KCNT2: variants seen among roughly 807,000 people sequenced by gnomAD.
The protein encoded by KCNT2 is potassium sodium-activated channel subfamily T member 2, also known as potassium channel subfamily T member 2.
KCNT2 carries 67 observed loss-of-function variants against 153.8 expected under a neutral mutation model. That is an observed-to-expected ratio of 0.44 (90% CI 0.36 to 0.53). The LOEUF (loss-of-function observed/expected upper bound fraction) is 0.53. Among genes scored for constraint, KCNT2 ranks in the 20% least tolerant of loss-of-function variants. KCNT2 has a pLI of 0.00. For synonymous variants in KCNT2, 500 were observed against 458.8 expected, an observed-to-expected ratio of 1.09 and a Z score of -1.15; for missense variants, 975 against 1,354.8, an observed-to-expected ratio of 0.72 and a Z score of 4.40.
At chr1:196,391,307 C>T (rs1345350134) in intron 13 of KCNT2, among the ~76,000 whole-genome samples, 1 of 151,254 alleles carries the variant, frequency 6.6e-6, no homozygotes, top group East Asian at 1.9e-4. Flanking sequence ...AGAAATTGAT[C>T]ATAGTACAAA....
intron 5 of KCNT2, among the ~76,000 whole-genome samples, chr1:196,477,421 A>G (rs115396392): frequency 0.057 from 8,683 of 152,068 alleles, 394 homozygotes; most frequent in Non-Finnish European, 0.085. Flanking sequence ...TCCTGTCTCT[A>G]CAAAAAAATA....
At chr1:196,301,777 T>C (rs1449398945) in intron 22 of KCNT2, among the ~76,000 whole-genome samples, 13 of 152,176 alleles carry the variant, frequency 8.5e-5, no homozygotes, top group Admixed American at 4.6e-4. Context: ...TCTCTCTCTG[T>C]CGCCCAGGCT....
At chr1:196,267,369 T>C (rs1405638551) in intron 25 of KCNT2, among the ~76,000 whole-genome samples, 1 of 152,192 alleles carries the variant, frequency 6.6e-6, no homozygotes, top group Non-Finnish European at 1.5e-5. Context: ...CGAGAAACAA[T>C]GACCTGTCAG....
chr1:196,339,536 GA>G (rs1665398812), intron 16 of KCNT2, among the ~76,000 whole-genome samples: 1 of 151,588 alleles, frequency 6.6e-6, no homozygotes, highest in Non-Finnish European at 1.5e-5. Flanking sequence ...GAGAGAGAGA[GA>G]GAGAGAGAGA....
chr1:196,347,828 A>G (rs1666269571), intron 14 of KCNT2, among the ~76,000 whole-genome samples: 1 of 152,050 alleles, frequency 6.6e-6, no homozygotes, highest in Non-Finnish European at 1.5e-5. Context: ...TCTACCTCCT[A>G]TGGCGTATCC....
intron 26 of KCNT2, among the ~76,000 whole-genome samples, chr1:196,239,697 T>TATATTTGTG (rs1348397009): frequency 6.6e-6 from 1 of 152,080 alleles, no homozygotes; most frequent in Non-Finnish European, 1.5e-5. Flanking sequence ...AAATATTTTG[T>TATATTTGTG]ATATTTGTGT....
At chr1:196,523,090 G>A (rs1224819041) in intron 1 of KCNT2, among the ~76,000 whole-genome samples, 1 of 152,154 alleles carries the variant, frequency 6.6e-6, no homozygotes, top group African/African-American at 2.4e-5. Context: ...CACTGCGAAG[G>A]CCTGCAGCTT....
At chr1:196,606,879 C>T (rs2149044066) in intron 1 of KCNT2, among the ~76,000 whole-genome samples, 1 of 152,220 alleles carries the variant, frequency 6.6e-6, no homozygotes, top group South Asian at 2.1e-4. Flanking sequence ...ATTACAAATT[C>T]ACTTAAAAAT....
intron 1 of KCNT2, among the ~76,000 whole-genome samples, chr1:196,537,030 G>A (rs562615916): frequency 6.6e-6 from 1 of 152,282 alleles, no homozygotes; most frequent in African/African-American, 2.4e-5. Flanking sequence ...CACTGCCGTA[G>A]GCCTCAGCCA....
intron 13 of KCNT2, among the ~76,000 whole-genome samples, chr1:196,380,940 A>G (rs1242508578): frequency 1.3e-5 from 2 of 152,184 alleles, no homozygotes; most frequent in South Asian, 2.1e-4. Flanking sequence ...AACTTTGCCA[A>G]TTCAGATTGT....
chr1:196,515,489 A>G (rs1306584865), intron 1 of KCNT2, among the ~76,000 whole-genome samples: 1 of 152,246 alleles, frequency 6.6e-6, no homozygotes, highest in Non-Finnish European at 1.5e-5. Flanking sequence ...TTAACAAGGA[A>G]GATGTGTTCT....
chr1:196,236,164 C>T, intron 26 of KCNT2, 94 bp from the exon 27 acceptor site: 2 of 726,878 alleles, frequency 2.8e-6, no homozygotes, highest in Non-Finnish European at 4.9e-6. Context: ...ATATAACTGT[C>T]AACAAGAACT....
chr1:196,569,500 A>G (rs570925868), intron 1 of KCNT2, among the ~76,000 whole-genome samples: 2 of 152,322 alleles, frequency 1.3e-5, no homozygotes, highest in African/African-American at 2.4e-5. Context: ...TTTATCTGAT[A>G]TTTGGTCACA....
At chr1:196,414,200 C>T (rs569615979) in intron 12 of KCNT2, among the ~76,000 whole-genome samples, 1 of 151,576 alleles carries the variant, frequency 6.6e-6, no homozygotes. Context: ...AATATATTTT[C>T]ACACGTAACA....
intron 13 of KCNT2, among the ~76,000 whole-genome samples, chr1:196,395,740 T>C (rs1402405402): frequency 2.6e-5 from 4 of 151,612 alleles, no homozygotes; most frequent in African/African-American, 4.8e-5. Context: ...AAATTTATTA[T>C]AAAAAGGACA....
At chr1:196,244,262 C>G (rs1331271669) in intron 26 of KCNT2, among the ~76,000 whole-genome samples, 1 of 152,092 alleles carries the variant, frequency 6.6e-6, no homozygotes, top group Non-Finnish European at 1.5e-5. Flanking sequence ...TGACCCAGAA[C>G]ATTCCCAGCT....
chr1:196,268,259 A>G (rs1657732596), intron 25 of KCNT2, among the ~76,000 whole-genome samples: 2 of 152,162 alleles, frequency 1.3e-5, no homozygotes, highest in Admixed American at 1.3e-4. Flanking sequence ...TGCCTCATAC[A>G]TACACAAAAT....
intron 1 of KCNT2, among the ~76,000 whole-genome samples, chr1:196,503,041 G>A (rs1156826190): frequency 6.6e-6 from 1 of 151,602 alleles, no homozygotes; most frequent in South Asian, 2.1e-4. Context: ...AGAATAAAGC[G>A]TTTATTCATT....
intron 1 of KCNT2, among the ~76,000 whole-genome samples, chr1:196,566,880 T>G (rs1258553906): frequency 1.3e-5 from 2 of 152,144 alleles, no homozygotes; most frequent in Non-Finnish European, 2.9e-5. Flanking sequence ...ATTACAAGAT[T>G]GTTTTTTAAG....
Sources: allele counts gnomAD v4.1 joint callset (sites outside exome capture counted in the v4.1 genomes callset), GRCh38; gene constraint gnomAD v4.1.1; transcripts MANE v1.5; gene names NCBI Gene and HGNC (gene_info 2026-07-23, HGNC 2026-07-21).